The following CDIN1 variants were observed in gnomAD, a reference collection of about 807,000 sequenced individuals.
CDIN1 encodes the protein CDAN1 interacting nuclease 1.
In CDIN1, 33 loss-of-function variants were observed where a neutral mutation model predicts 45.3. The observed-to-expected ratio is 0.73, with a 90% CI of 0.55 to 0.97. The LOEUF (loss-of-function observed/expected upper bound fraction) is 0.97. CDIN1 is among the 50% of genes least tolerant of loss of function. The pLI, the probability that CDIN1 is intolerant of heterozygous loss-of-function variation, is 0.00. For synonymous variants in CDIN1, 118 were observed against 124.4 expected (o/e 0.95, Z 0.34); for missense variants, 303 against 339.4 (o/e 0.89, Z 0.84).
chr15:36,771,839 A>C (rs2054085688), intron 10 of CDIN1, among the ~76,000 whole-genome samples: 1 of 151,758 alleles, frequency 6.6e-6, no homozygotes, highest in Non-Finnish European at 1.5e-5. Flanking sequence ...GAGGCAGGAG[A>C]ATTGCTTGAA....
intron 1 of CDIN1, among the ~76,000 whole-genome samples, chr15:36,619,883 A>AT (rs1386945110): frequency 6.6e-6 from 1 of 151,940 alleles, no homozygotes; most frequent in African/African-American, 2.4e-5. Context: ...TTAGTAAATG[A>AT]TTTGAAAACT....
At chr15:36,703,238 TA>T (rs2140791123) in intron 8 of CDIN1, among the ~76,000 whole-genome samples, 1 of 109,692 alleles carries the variant, frequency 9.1e-6, no homozygotes, top group South Asian at 3.0e-4. Flanking sequence ...ATATATCAGA[TA>T]TATATATATC....
intron 10 of CDIN1, among the ~76,000 whole-genome samples, chr15:36,800,648 T>C (rs1003052903): frequency 1.3e-4 from 20 of 151,816 alleles, no homozygotes; most frequent in Non-Finnish European, 2.8e-4. Context: ...TTTAAAACAA[T>C]TACAAGATGT....
chr15:36,607,267 G>A (rs1312985639), intron 1 of CDIN1, among the ~76,000 whole-genome samples: 1 of 152,158 alleles, frequency 6.6e-6, no homozygotes, highest in African/African-American at 2.4e-5. Flanking sequence ...AATGTGGATA[G>A]TTTGAAGACT....
At chr15:36,806,022 CTAAACA>C (rs1451186364) in intron 10 of CDIN1, among the ~76,000 whole-genome samples, 1 of 152,160 alleles carries the variant, frequency 6.6e-6, no homozygotes, top group Non-Finnish European at 1.5e-5. Context: ...GTTACCTAAC[CTAAACA>C]TAGTTCCATA....
chr15:36,769,605 C>G (rs989092762), intron 10 of CDIN1, among the ~76,000 whole-genome samples: 1 of 152,190 alleles, frequency 6.6e-6, no homozygotes. Flanking sequence ...GGCACCATAG[C>G]CTAGCCTAAG....
intron 3 of CDIN1, among the ~76,000 whole-genome samples, chr15:36,651,373 G>T (rs995159312): frequency 7.2e-5 from 11 of 152,128 alleles, no homozygotes; most frequent in Non-Finnish European, 1.5e-5. Flanking sequence ...TCATGATGAG[G>T]ATGCAGAGAA....
At chr15:36,585,694 A>C (rs1007663110) in intron 1 of CDIN1, among the ~76,000 whole-genome samples, 2 of 152,176 alleles carry the variant, frequency 1.3e-5, no homozygotes, top group Admixed American at 1.3e-4. Flanking sequence ...TGTTACTTTT[A>C]TTATTATTAT....
intron 5 of CDIN1, among the ~76,000 whole-genome samples, chr15:36,689,392 G>A (rs1172580195): frequency 2.0e-5 from 3 of 152,102 alleles, no homozygotes; most frequent in African/African-American, 7.2e-5. Context: ...AGCGTTCTTA[G>A]TCATGGCCAC....
chr15:36,785,363 T>C (rs894677809), intron 10 of CDIN1, among the ~76,000 whole-genome samples: 1 of 152,198 alleles, frequency 6.6e-6, no homozygotes, highest in African/African-American at 2.4e-5. Context: ...AAGAGTCCGG[T>C]AGGCCTCACA....
intron 1 of CDIN1, among the ~76,000 whole-genome samples, chr15:36,638,707 AT>A (rs1240313043): frequency 6.6e-6 from 1 of 152,188 alleles, no homozygotes; most frequent in Non-Finnish European, 1.5e-5. Context: ...CTGCAATTTG[AT>A]TTCTTAAAAA....
At chr15:36,673,857 G>A (rs941060667) in intron 5 of CDIN1, among the ~76,000 whole-genome samples, 1 of 152,048 alleles carries the variant, frequency 6.6e-6, no homozygotes, top group Non-Finnish European at 1.5e-5. Context: ...TCATGCTTTT[G>A]TATAGAGTAA....
intron 1 of CDIN1, among the ~76,000 whole-genome samples, chr15:36,636,267 A>G (rs113201326): frequency 2.6e-5 from 4 of 152,240 alleles, no homozygotes; most frequent in African/African-American, 9.6e-5. Flanking sequence ...AAAAGAAGGT[A>G]ATGGGCCAGG....
intron 1 of CDIN1, among the ~76,000 whole-genome samples, chr15:36,599,042 T>C (rs1251285090): frequency 6.6e-6 from 1 of 152,066 alleles, no homozygotes. Flanking sequence ...GCTAACTTTC[T>C]GATGTGGGCC....
intron 10 of CDIN1, 35 bp from the exon 11 acceptor site, chr15:36,808,289 C>T (rs1163574344): frequency 6.2e-6 from 10 of 1,610,650 alleles, no homozygotes; most frequent in Non-Finnish European, 7.6e-6. Flanking sequence ...TCTGTTGATA[C>T]CATGTGTGTG....
At chr15:36,607,735 C>T (rs1431641851) in intron 1 of CDIN1, among the ~76,000 whole-genome samples, 1 of 152,134 alleles carries the variant, frequency 6.6e-6, no homozygotes, top group African/African-American at 2.4e-5. Flanking sequence ...GCAACATTCA[C>T]CCTTTTTAAG....
At chr15:36,795,009 T>C (rs1212632935) in intron 10 of CDIN1, among the ~76,000 whole-genome samples, 2 of 152,210 alleles carry the variant, frequency 1.3e-5, no homozygotes, top group Admixed American at 6.5e-5. Context: ...GAGGTTATTA[T>C]GTTAAGTGAA....
chr15:36,607,138 G>A (rs564428563), intron 1 of CDIN1, among the ~76,000 whole-genome samples: 1 of 152,242 alleles, frequency 6.6e-6, no homozygotes, highest in South Asian at 2.1e-4. Context: ...AACAGTAGGT[G>A]TAATCATGCC....
chr15:36,766,975 C>G (rs548725958), intron 10 of CDIN1, among the ~76,000 whole-genome samples: 2 of 152,000 alleles, frequency 1.3e-5, no homozygotes, highest in African/African-American at 4.8e-5. Flanking sequence ...CTTTTGTTAC[C>G]TGTGCTTTTG....
Sources: gnomAD v4.1 joint callset for allele counts (sites outside exome capture counted in the v4.1 genomes callset) on GRCh38, gnomAD v4.1.1 for gene constraint, MANE v1.5 for transcripts, NCBI Gene and HGNC (gene_info 2026-07-23, HGNC 2026-07-21) for gene names.